Variants in EPHA6 observed in about 807,000 individuals in gnomAD.
EPHA6 encodes ephrin type-A receptor 6.
EPHA6 carries 50 observed loss-of-function variants against 112.0 expected under a neutral mutation model. The observed-to-expected ratio is 0.45, with a 90% CI of 0.36 to 0.56. The LOEUF is 0.56. Among genes scored for constraint, EPHA6 ranks in the 20% least tolerant of loss-of-function variants. The pLI, the probability that EPHA6 is intolerant of heterozygous loss-of-function variation, is 0.00. For synonymous variants in EPHA6, 529 were observed against 490.7 expected, an observed-to-expected ratio of 1.08 and a Z score of -1.03; for missense variants, 1,280 against 1,417.4, an observed-to-expected ratio of 0.90 and a Z score of 1.56.
intron 2 of EPHA6, among the ~76,000 whole-genome samples, chr3:96,917,539 A>G (rs1387786064): frequency 6.6e-6 from 1 of 151,700 alleles, no homozygotes; most frequent in Non-Finnish European, 1.5e-5. Context: ...GAGTACCTCC[A>G]CTTTCCCATC....
intron 2 of EPHA6, among the ~76,000 whole-genome samples, chr3:96,905,467 G>T (rs2107586472): frequency 6.7e-6 from 1 of 150,304 alleles, no homozygotes; most frequent in East Asian, 2.0e-4. Context: ...TGAAAATACA[G>T]ATTTTAAAAA....
At chr3:97,583,129 T>C (rs1486029079) in intron 11 of EPHA6, among the ~76,000 whole-genome samples, 6 of 151,374 alleles carry the variant, frequency 4.0e-5, no homozygotes, top group African/African-American at 9.7e-5. Context: ...ATTAAATACA[T>C]AGCACACTTT....
At chr3:97,302,312 T>C (rs2108722451) in intron 5 of EPHA6, among the ~76,000 whole-genome samples, 1 of 152,034 alleles carries the variant, frequency 6.6e-6, no homozygotes, top group Middle Eastern at 3.4e-3. Context: ...CAAAGTAGTT[T>C]GAAAGTAGGA....
intron 3 of EPHA6, among the ~76,000 whole-genome samples, chr3:97,058,438 C>T (rs1297839203): frequency 6.6e-6 from 1 of 152,052 alleles, no homozygotes; most frequent in East Asian, 1.9e-4. Context: ...TCTGGGACTA[C>T]AGGCAGGCAC....
intron 2 of EPHA6, among the ~76,000 whole-genome samples, chr3:96,882,742 G>T (rs1414714258): frequency 7.0e-6 from 1 of 143,866 alleles, no homozygotes; most frequent in Non-Finnish European, 1.5e-5. Flanking sequence ...GTGTGTGTGT[G>T]TGTGTGTGTG....
chr3:97,231,404 C>T (rs764542739), intron 4 of EPHA6, among the ~76,000 whole-genome samples: 3 of 152,118 alleles, frequency 2.0e-5, no homozygotes, highest in Non-Finnish European at 2.9e-5. Context: ...CAAGAGCAAA[C>T]GGAAAGCTAC....
intron 3 of EPHA6, among the ~76,000 whole-genome samples, chr3:97,124,469 A>AAAG (rs2048127427): frequency 1.3e-5 from 2 of 149,740 alleles, no homozygotes; most frequent in Admixed American, 1.3e-4. Flanking sequence ...TCTGTTTAAA[A>AAAG]AAAGAAAGAA....
At chr3:96,884,845 A>T (rs1296041034) in intron 2 of EPHA6, among the ~76,000 whole-genome samples, 1 of 152,118 alleles carries the variant, frequency 6.6e-6, no homozygotes, top group Non-Finnish European at 1.5e-5. Flanking sequence ...ATTCAGTATT[A>T]TGTTGGCTGT....
rs2035826459 is a variant in EPHA6, at chr3:97,749,011, T to TA, written c.*317dup. The TA allele has an allele frequency of 6.3e-6, 2 of 318,648 alleles. No individual in the cohort carries two copies. Among genetic ancestry groups the TA allele is most frequent in the Non-Finnish European group, 1.2e-5 (2 of 167,288 alleles). 19.7% of individuals were successfully genotyped at this position (318,648 alleles called of 1,614,324 possible). A position where few individuals can be genotyped will look rare whatever the true frequency, so the allele number is the denominator to read the frequency against. ...ATGGGAAGTGTTCACGGACTTAACC[T>TA]AAAAAAATTTATCCAGGTGGGGCTT... On this transcript the variant is annotated 3_prime_UTR_variant, in exon 18 of 18. Transcript: ENST00000389672.
chr3:97,130,344 A>G (rs980335690), intron 3 of EPHA6, among the ~76,000 whole-genome samples: 8 of 150,630 alleles, frequency 5.3e-5, no homozygotes, highest in African/African-American at 1.9e-4. Context: ...GGATTTCTCA[A>G]TTCTTCTACA....
At chr3:97,392,273 T>G (rs190581378) in intron 5 of EPHA6, among the ~76,000 whole-genome samples, 7 of 151,952 alleles carry the variant, frequency 4.6e-5, no homozygotes, top group Admixed American at 3.3e-4. Flanking sequence ...GTTTTAAGAA[T>G]TTTGAATAAT....
chr3:97,741,870 G>A (rs2035519287), intron 16 of EPHA6, among the ~76,000 whole-genome samples: 1 of 152,078 alleles, frequency 6.6e-6, no homozygotes, highest in East Asian at 1.9e-4. Context: ...AGAGCAGCCT[G>A]TTATTTTATG....
chr3:97,222,961 G>A (rs1271331674), intron 3 of EPHA6, among the ~76,000 whole-genome samples: 1 of 152,196 alleles, frequency 6.6e-6, no homozygotes, highest in African/African-American at 2.4e-5. Flanking sequence ...TGAAAGATAA[G>A]TGAATCACAG....
At chr3:97,129,518 C>CAAAAAAAAAAAAAAAA (rs796445041) in intron 3 of EPHA6, among the ~76,000 whole-genome samples, 1 of 135,350 alleles carries the variant, frequency 7.4e-6, no homozygotes, top group Non-Finnish European at 1.6e-5. Context: ...CAAAAACAAA[C>CAAAAAAAAAAAAAAAA]AAAAAAAAAA....
chr3:97,432,841 C>T (rs1339651064), intron 6 of EPHA6, among the ~76,000 whole-genome samples: 4 of 152,164 alleles, frequency 2.6e-5, no homozygotes, highest in African/African-American at 9.7e-5. Context: ...ATCACGAGAA[C>T]AGCATGTGGG....
intron 5 of EPHA6, among the ~76,000 whole-genome samples, chr3:97,307,288 A>G (rs939275787): frequency 6.6e-6 from 1 of 151,800 alleles, no homozygotes; most frequent in Non-Finnish European, 1.5e-5. Context: ...GAAATTCCAT[A>G]CAATAGAGCT....
chr3:97,748,728 G>T lies in EPHA6; in HGVS notation c.*27G>T. 8.1e-7 allele frequency: 1 copy of T among 1,234,338 alleles called. No individual in the cohort carries two copies. The highest frequency in any genetic ancestry group is 1.2e-6 in the Non-Finnish European group (1 of 837,572). The allele number at this position is 1,234,338 out of a possible 1,614,324, so 76.5% of individuals were successfully genotyped here. Reference sequence around the variant, plus strand: ...AGTACCACAAGCACCTGTGTTTTGTGCCTCAGCATTTCTAAAATGAACGAT... The same window carrying T: ...AGTACCACAAGCACCTGTGTTTTGTTCCTCAGCATTTCTAAAATGAACGAT... On this transcript the variant is annotated 3_prime_UTR_variant, in exon 18 of 18. Transcript: ENST00000389672.
chr3:97,716,753 C>T (rs1285383135), intron 14 of EPHA6, among the ~76,000 whole-genome samples: 1 of 152,118 alleles, frequency 6.6e-6, no homozygotes, highest in East Asian at 1.9e-4. Flanking sequence ...TGACTGCTTC[C>T]CTATCCCTAT....
chr3:97,059,360 C>T (rs762746), intron 3 of EPHA6, among the ~76,000 whole-genome samples: 19,105 of 152,028 alleles, frequency 0.13, 1,928 homozygotes, highest in African/African-American at 0.28. Context: ...ATCTCAGACC[C>T]CTTAGGGCAT....
Sources: gnomAD v4.1 joint callset for allele counts (sites outside exome capture counted in the v4.1 genomes callset) on GRCh38, gnomAD v4.1.1 for gene constraint, MANE v1.5 for transcripts, NCBI Gene and HGNC (gene_info 2026-07-23, HGNC 2026-07-21) for gene names.